Variants in GABRB2 observed in about 807,000 individuals in gnomAD.
The protein encoded by GABRB2 is gamma-aminobutyric acid type A receptor subunit beta2, also known as gamma-aminobutyric acid receptor subunit beta-2.
GABRB2 carries 16 observed loss-of-function variants against 54.7 expected under a neutral mutation model. The observed-to-expected ratio is 0.29, with a 90% CI of 0.20 to 0.44. GABRB2 has a LOEUF of 0.44. GABRB2 is among the 20% of genes least tolerant of loss of function. The pLI is 1.00. For missense variants in GABRB2, 355 were observed against 644.0 expected, an observed-to-expected ratio of 0.55 and a Z score of 4.86; for synonymous variants, 244 against 233.8, an observed-to-expected ratio of 1.04 and a Z score of -0.40.
chr5:161,386,824 C>CA (rs55916255), intron 5 of GABRB2, among the ~76,000 whole-genome samples: 38,757 of 136,948 alleles, frequency 0.28, 5,712 homozygotes, highest in Middle Eastern at 0.38. Flanking sequence ...TGTGCCCAGC[C>CA]AAAAAAAAAA....
upstream of GABRB2, among the ~76,000 whole-genome samples, chr5:161,547,577 AG>A (rs1190307464): frequency 4.9e-5 from 7 of 143,014 alleles, no homozygotes; most frequent in Non-Finnish European, 4.6e-5. Flanking sequence ...GCAGGAGGGG[AG>A]GGGGGCGAGG....
intron 4 of GABRB2, among the ~76,000 whole-genome samples, chr5:161,449,344 A>G (rs995659472): frequency 6.6e-6 from 1 of 152,190 alleles, no homozygotes; most frequent in African/African-American, 2.4e-5. Flanking sequence ...AAAAGTATCC[A>G]ATAAAGGTTA....
intron 5 of GABRB2, among the ~76,000 whole-genome samples, chr5:161,358,342 T>C (rs1207656980): frequency 6.6e-6 from 1 of 151,912 alleles, no homozygotes; most frequent in East Asian, 1.9e-4. Context: ...AATTTGGGTG[T>C]CATGGTGGAA....
intron 3 of GABRB2, among the ~76,000 whole-genome samples, chr5:161,531,673 C>T (rs546221971): frequency 6.6e-6 from 1 of 151,604 alleles, no homozygotes; most frequent in South Asian, 2.1e-4. Flanking sequence ...GACTAATATG[C>T]AGAACAAAAC....
chr5:161,512,187 T>C (rs1263399312), intron 3 of GABRB2, among the ~76,000 whole-genome samples: 1 of 152,020 alleles, frequency 6.6e-6, no homozygotes, highest in Non-Finnish European at 1.5e-5. Context: ...GATTCAACTC[T>C]ATTCCTATCA....
chr5:161,472,601 C>T (rs1424851214), intron 3 of GABRB2, among the ~76,000 whole-genome samples: 1 of 151,878 alleles, frequency 6.6e-6, no homozygotes, highest in Non-Finnish European at 1.5e-5. Context: ...TATACACGTG[C>T]TCCTAAACAC....
At chr5:161,459,956 T>G (rs1334299406) in intron 3 of GABRB2, 112 bp from the exon 4 acceptor site, 8 of 648,448 alleles carry the variant, frequency 1.2e-5, no homozygotes, top group African/African-American at 1.8e-5. Flanking sequence ...TTTATTTTTA[T>G]TTTTTTGAGA....
intron 5 of GABRB2, among the ~76,000 whole-genome samples, chr5:161,394,343 C>T (rs1755929470): frequency 6.6e-6 from 1 of 151,460 alleles, no homozygotes. Context: ...AAAGGAAGTG[C>T]AGGAAGAAAT....
intron 7 of GABRB2, among the ~76,000 whole-genome samples, chr5:161,331,586 T>C (rs1673098065): frequency 6.6e-6 from 1 of 152,056 alleles, no homozygotes; most frequent in Admixed American, 6.6e-5. Context: ...TGGGGACTGC[T>C]GGTGGAGAGA....
chr5:161,498,447 G>A lies in GABRB2; in HGVS notation c.238-38603C>T, dbSNP rs146460163. On this transcript the variant is annotated intron_variant, in intron 3 of 9. Coordinates refer to ENST00000393959, the MANE Select transcript of GABRB2 (RefSeq NM_001371727.1). ...GGAGCTGAAATGACCCCGTATTTTGGTTGAACAGCTGTCCATGAAGTTGCA... is the reference window on the plus strand; with the variant it reads ...GGAGCTGAAATGACCCCGTATTTTGATTGAACAGCTGTCCATGAAGTTGCA... 9.2e-5 allele frequency among the ~76,000 whole-genome samples: 14 copies of A among 152,018 alleles called. No homozygotes were observed. In the East Asian group the frequency reaches 2.7e-3, roughly 29 times the overall value.
chr5:161,397,546 T>C (rs565485701), intron 5 of GABRB2, among the ~76,000 whole-genome samples: 2 of 152,302 alleles, frequency 1.3e-5, no homozygotes, highest in African/African-American at 4.8e-5. Context: ...TAAAAATACA[T>C]CTTTTTAAAG....
rs148024574 is a variant in GABRB2, at chr5:161,546,661, G to T, written c.-18C>A. ...CTCCACATCCCTTTAGTTTTTGATG[G>T]AATTGAGGGTTTCACTGAAGAGAGG... On this transcript the variant is annotated 5_prime_UTR_variant, in exon 1 of 10. Transcript: ENST00000393959. 1.3e-6 allele frequency: 2 copies of T among 1,578,418 alleles called. No homozygotes were observed. Among genetic ancestry groups the T allele is most frequent in the Non-Finnish European group, 1.7e-6 (2 of 1,160,548 alleles).
intron 4 of GABRB2, among the ~76,000 whole-genome samples, chr5:161,428,577 G>C (rs1419936530): frequency 6.6e-6 from 1 of 152,104 alleles, no homozygotes; most frequent in East Asian, 1.9e-4. Context: ...AAATGTGCAA[G>C]TTTATTATAG....
chr5:161,429,363 A>AAAAAAAAAAG (rs1217636539), intron 4 of GABRB2, among the ~76,000 whole-genome samples: 19 of 149,588 alleles, frequency 1.3e-4, no homozygotes, highest in South Asian at 2.1e-4. Flanking sequence ...AAAAAAGAAA[A>AAAAAAAAAAG]AGAAAAAAAA....
chr5:161,495,044 G>A (rs188223147), intron 3 of GABRB2, among the ~76,000 whole-genome samples: 2 of 152,038 alleles, frequency 1.3e-5, no homozygotes, highest in East Asian at 3.9e-4. Context: ...AGTGGTTGCT[G>A]TTGTGATTGT....
At chr5:161,462,077 C>G (rs901348953) in intron 3 of GABRB2, among the ~76,000 whole-genome samples, 5 of 152,170 alleles carry the variant, frequency 3.3e-5, no homozygotes, top group African/African-American at 7.2e-5. Flanking sequence ...AGAAAACACA[C>G]ACATTTTGAC....
chr5:161,411,185 T>C, intron 4 of GABRB2, 128 bp from the exon 5 acceptor site: 3 of 653,226 alleles, frequency 4.6e-6, no homozygotes, highest in Non-Finnish European at 8.1e-6. Context: ...TGATGCAACT[T>C]TGGATAACCA....
intron 5 of GABRB2, among the ~76,000 whole-genome samples, chr5:161,400,386 C>A (rs528193184): frequency 1.3e-5 from 2 of 152,212 alleles, no homozygotes; most frequent in South Asian, 4.1e-4. Flanking sequence ...ATTGCTGGTA[C>A]CTTTCCTGAG....
At chr5:161,436,618 C>A (rs1257461952) in intron 4 of GABRB2, among the ~76,000 whole-genome samples, 1 of 151,602 alleles carries the variant, frequency 6.6e-6, no homozygotes, top group Non-Finnish European at 1.5e-5. Context: ...TTGCTCCCCT[C>A]ACAAGGACAC....
Sources: gnomAD v4.1 joint callset for allele counts (sites outside exome capture counted in the v4.1 genomes callset) on GRCh38, gnomAD v4.1.1 for gene constraint, MANE v1.5 for transcripts, NCBI Gene and HGNC (gene_info 2026-07-23, HGNC 2026-07-21) for gene names.